Variants in ADAM18 observed in about 807,000 individuals in gnomAD.
ADAM18 encodes the protein ADAM metallopeptidase domain 18, also known as disintegrin and metalloproteinase domain-containing protein 18.
A neutral mutation model predicts 94.4 loss-of-function variants in ADAM18; 117 were observed. The ratio of observed to expected loss-of-function variants is 1.24; its 90% confidence interval spans 1.07 to 1.45. ADAM18 has a LOEUF of 1.45. Ranked by LOEUF, ADAM18 falls within the 40% of genes most tolerant of loss-of-function variation. The probability of loss-of-function intolerance (pLI) is 0.00; values close to 1 mark genes in which losing one functional copy is unlikely to be tolerated. For missense variants in ADAM18, 936 were observed against 880.0 expected (o/e 1.06, Z -0.81); for synonymous variants, 327 against 291.6 (o/e 1.12, Z -1.24).
At position 39,677,515 on chromosome 8, in the gene ADAM18, A is replaced by C. The variant is rs1380171145; in HGVS notation, c.1610A>C (p.Gln537Pro). Residue 537 changes from glutamine (Q) to proline (P), a missense_variant, in exon 15 of 20, where the codon CAA becomes CCA. Physicochemically the swap from Gln to Pro is moderately conservative, Grantham distance 76 (BLOSUM62 -1). Transcript: ENST00000265707. ...GAAAACTGTGGTTTTAAAAATTCAC[A>C]ACCATTACCTTGTGAACGGAAGTAC... is the stretch of plus-strand genomic sequence containing the variant. ...RSENCGFKNS[Q>P]PLPCERKDVL... 1 of 1,607,830 alleles carries C rather than the reference A, an allele frequency of 6.2e-7. No homozygotes were observed. The highest frequency in any genetic ancestry group is 8.5e-7 in the Non-Finnish European group (1 of 1,178,230).
At chr8:39,669,724 T>C (rs1821100984) in intron 14 of ADAM18, among the ~76,000 whole-genome samples, 1 of 152,096 alleles carries the variant, frequency 6.6e-6, no homozygotes, top group Non-Finnish European at 1.5e-5. Context: ...TTGTTGGACA[T>C]TTAGGTTGGT....
intron 3 of ADAM18, 47 bp from the exon 4 acceptor site, chr8:39,608,995 T>C (rs575090399): frequency 2.8e-6 from 3 of 1,083,478 alleles, no homozygotes; most frequent in East Asian, 5.2e-5. Context: ...TTTAACATTA[T>C]ATTAAGATTA....
intron 6 of ADAM18, among the ~76,000 whole-genome samples, chr8:39,614,757 T>C (rs1819387468): frequency 6.6e-6 from 1 of 152,166 alleles, no homozygotes; most frequent in South Asian, 2.1e-4. Context: ...AAGCAAGAGA[T>C]GGAGAAAAAT....
At chr8:39,629,541 C>T in intron 7 of ADAM18, 102 bp downstream of exon 7, 1 of 722,876 alleles carries the variant, frequency 1.4e-6, no homozygotes. Context: ...CTCTCTTCCT[C>T]CTTCTTTCCC....
At chr8:39,694,764 T>C (rs1392340315) in intron 17 of ADAM18, among the ~76,000 whole-genome samples, 1 of 151,586 alleles carries the variant, frequency 6.6e-6, no homozygotes, top group Non-Finnish European at 1.5e-5. Flanking sequence ...TAATTATACA[T>C]TATTATTAAC....
chr8:39,656,636 A>G (rs2129579861), intron 12 of ADAM18, among the ~76,000 whole-genome samples: 1 of 152,330 alleles, frequency 6.6e-6, no homozygotes, highest in Admixed American at 6.5e-5. Context: ...AGAGATTTAA[A>G]GGGTAGATTA....
intron 2 of ADAM18, among the ~76,000 whole-genome samples, chr8:39,590,609 A>G (rs1300044910): frequency 6.6e-6 from 1 of 152,234 alleles, no homozygotes; most frequent in East Asian, 1.9e-4. Context: ...AAATAAAAAA[A>G]ATAAAATGAA....
At chr8:39,619,778 G>A (rs887319494) in intron 6 of ADAM18, among the ~76,000 whole-genome samples, 51 of 152,108 alleles carry the variant, frequency 3.4e-4, no homozygotes, top group African/African-American at 1.2e-3. Flanking sequence ...TTCATGAATT[G>A]GAATAATTAA....
At chr8:39,660,754 T>G (rs1820812469) in intron 12 of ADAM18, among the ~76,000 whole-genome samples, 1 of 152,224 alleles carries the variant, frequency 6.6e-6, no homozygotes, top group South Asian at 2.1e-4. Flanking sequence ...ATTCCAGTCC[T>G]GTAATTAGGA....
At position 39,719,385 on chromosome 8, in the gene ADAM18, G is replaced by A. The variant is rs1822681875; in HGVS notation, c.2018-4363G>A. ...TTAAAACTTCTAGAAGAAAACATAA[G>A]AGAAATCCTCAGGGACTTTGAGCGC... On this transcript the variant is annotated intron_variant, in intron 18 of 19. Transcript: ENST00000265707. 2.0e-5 allele frequency among the ~76,000 whole-genome samples: 3 copies of A among 151,306 alleles called. No homozygotes were observed. In the South Asian group the frequency reaches 6.2e-4, roughly 31 times the overall value.
intron 12 of ADAM18, among the ~76,000 whole-genome samples, chr8:39,649,684 A>G (rs1167296567): frequency 6.6e-6 from 1 of 152,190 alleles, no homozygotes; most frequent in Non-Finnish European, 1.5e-5. Context: ...TGTTTCAAAT[A>G]TCAGAGACAT....
intron 18 of ADAM18, among the ~76,000 whole-genome samples, chr8:39,720,576 T>C (rs1822717940): frequency 1.3e-5 from 2 of 151,378 alleles, no homozygotes; most frequent in African/African-American, 4.8e-5. Flanking sequence ...AAATAAAATA[T>C]TAGAAACACT....
intron 11 of ADAM18, among the ~76,000 whole-genome samples, 176 bp from the exon 12 acceptor site, chr8:39,648,168 T>A (rs970408832): frequency 6.6e-6 from 1 of 152,228 alleles, no homozygotes; most frequent in Admixed American, 6.5e-5. Flanking sequence ...TGCAATTTTT[T>A]AAGAGAATGT....
chr8:39,665,577 G>A (rs1039180008), intron 13 of ADAM18, among the ~76,000 whole-genome samples: 7 of 152,172 alleles, frequency 4.6e-5, no homozygotes, highest in East Asian at 3.9e-4. Flanking sequence ...TGAGACTTAC[G>A]GTTGCTTTGT....
rs374485298 is a variant in ADAM18, at chr8:39,627,519, C to CTA, written c.523-1854_523-1853dup. On this transcript the variant is annotated intron_variant, in intron 6 of 19. Coordinates refer to ENST00000265707, the MANE Select transcript of ADAM18 (RefSeq NM_014237.3). ...GTTTTTGCTTAAAAGTCTATTTTAT[C>CTA]TAAGAATAGCACCTCCTGCTTGCCT... is the stretch of plus-strand genomic sequence containing the variant. 2.8e-3 allele frequency among the ~76,000 whole-genome samples: 425 copies of CTA among 152,210 alleles called. 4 individuals carry two copies. The highest frequency in any genetic ancestry group is 9.8e-3 in the African/African-American group (409 of 41,534).
intron 2 of ADAM18, among the ~76,000 whole-genome samples, chr8:39,605,142 C>A (rs1016420812): frequency 3.3e-5 from 5 of 152,164 alleles, no homozygotes; most frequent in Admixed American, 3.3e-4. Flanking sequence ...CAGTCATAGG[C>A]AGTATTGCCC....
chr8:39,659,973 T>TG (rs1820789959), intron 12 of ADAM18, among the ~76,000 whole-genome samples: 2 of 152,088 alleles, frequency 1.3e-5, no homozygotes, highest in African/African-American at 2.4e-5. Context: ...ACATTTAAAC[T>TG]GGGGGGAGAG....
chr8:39,722,736 A>G (rs1253957864), intron 18 of ADAM18, among the ~76,000 whole-genome samples: 1 of 151,580 alleles, frequency 6.6e-6, no homozygotes, highest in Non-Finnish European at 1.5e-5. Context: ...AATTAATAGC[A>G]AGCCAAAATG....
In ADAM18 at chr8:39,637,275, G is replaced by A; in HGVS notation, c.600G>A (p.Met200Ile). 6.2e-7 allele frequency: 1 copy of A among 1,602,650 alleles called. No individual in the cohort carries two copies. The highest frequency in any genetic ancestry group is 8.5e-7 in the Non-Finnish European group (1 of 1,173,900). ...AATTTCTTTTTCAGTATGATTATAT[G>A]GGATCTGAAATGATGGCTGTAACAC... ...IIVEKALYDY[M>I]GSEMMAVTQK... The change falls in exon 8 of 20, where the codon ATG becomes ATA. Residue 200 changes from methionine (M) to isoleucine (I), a missense_variant. By Grantham distance (10) the Met-to-Ile change is conservative (BLOSUM62 1). Coordinates refer to ENST00000265707, the MANE Select transcript of ADAM18 (RefSeq NM_014237.3).
Sources: allele counts gnomAD v4.1 joint callset (sites outside exome capture counted in the v4.1 genomes callset), GRCh38; gene constraint gnomAD v4.1.1; transcripts MANE v1.5; gene names NCBI Gene and HGNC (gene_info 2026-07-23, HGNC 2026-07-21).